DNAJB14: variants seen among roughly 807,000 people sequenced by gnomAD.
The protein encoded by DNAJB14 is DnaJ heat shock protein family (Hsp40) member B14, also known as dnaJ homolog subfamily B member 14.
In DNAJB14, 22 loss-of-function variants were observed where a neutral mutation model predicts 48.4. That is an observed-to-expected ratio of 0.45 (90% confidence interval 0.32 to 0.65). The LOEUF is 0.65. Ranked by LOEUF, DNAJB14 falls within the 30% of genes least tolerant of loss-of-function variation. The probability of loss-of-function intolerance (pLI) is 0.03; values close to 1 mark genes in which losing one functional copy is unlikely to be tolerated. For synonymous variants in DNAJB14, 142 were observed against 158.7 expected (o/e 0.89, Z 0.79); for missense variants, 319 against 458.8 (o/e 0.70, Z 2.78).
chr4:99,924,869 C>CAACTGT, intron 2 of DNAJB14: 4 of 1,343,672 alleles, frequency 3.0e-6, no homozygotes, highest in Non-Finnish European at 4.3e-6. Context: ...AAACTGAATT[C>CAACTGT]AACTGTAGAT....
intron 6 of DNAJB14, 50 bp from the exon 7 acceptor site, chr4:99,903,948 T>C (rs948257597): frequency 2.6e-6 from 4 of 1,554,262 alleles, no homozygotes; most frequent in African/African-American, 1.4e-5. Flanking sequence ...CATTCCAATA[T>C]GCTGCTATAA....
chr4:99,912,102 A>G (rs905880308), intron 3 of DNAJB14, among the ~76,000 whole-genome samples: 12 of 152,172 alleles, frequency 7.9e-5, no homozygotes, highest in African/African-American at 1.2e-4. Flanking sequence ...TGGGTGTCCA[A>G]TTGCCTCAAA....
At position 99,946,485 on chromosome 4, in the gene DNAJB14, G is replaced by A. The variant is rs985391749; in HGVS notation, c.87C>T (p.Arg29=). ...LNAGNREKAQ[R]FLQKAEKLYP... ...AGAGCTTCTCGGCCTTCTGCAGGAAGCGCTGGGCCTTCTCGCGGTTGCCGG... is the reference window on the plus strand; with the variant it reads ...AGAGCTTCTCGGCCTTCTGCAGGAAACGCTGGGCCTTCTCGCGGTTGCCGG... Residue 29 remains arginine, a synonymous_variant, in exon 1 of 8, where the codon CGC becomes CGT. Coordinates refer to ENST00000442697, the MANE Select transcript of DNAJB14 (RefSeq NM_001031723.4). 6.2e-7 allele frequency: 1 copy of A among 1,613,770 alleles called. No homozygotes were observed. The highest frequency in any genetic ancestry group is 8.5e-7 in the Non-Finnish European group (1 of 1,179,792).
intron 1 of DNAJB14, among the ~76,000 whole-genome samples, chr4:99,931,403 T>C: frequency 6.6e-6 from 1 of 152,094 alleles, no homozygotes; most frequent in Non-Finnish European, 1.5e-5. Context: ...GGTGAGTGAT[T>C]GGGAGTGATT....
chr4:99,940,506 G>A (rs528429223), intron 1 of DNAJB14, among the ~76,000 whole-genome samples: 2 of 152,260 alleles, frequency 1.3e-5, no homozygotes, highest in African/African-American at 2.4e-5. Context: ...CAAGATAATC[G>A]CTTGAACCCA....
chr4:99,912,585 T>C (rs1362078902), intron 3 of DNAJB14, among the ~76,000 whole-genome samples: 3 of 152,174 alleles, frequency 2.0e-5, no homozygotes, highest in Non-Finnish European at 2.9e-5. Flanking sequence ...GTTCAAGTGA[T>C]TCTCCTACCT....
At chr4:99,904,290 T>C (rs1317125090) in intron 6 of DNAJB14, among the ~76,000 whole-genome samples, 2 of 152,192 alleles carry the variant, frequency 1.3e-5, no homozygotes, top group Non-Finnish European at 2.9e-5. Flanking sequence ...TAAATACTTA[T>C]ATGTGAATTA....
intron 2 of DNAJB14, chr4:99,927,423 A>G (rs1369694569): frequency 6.6e-6 from 1 of 152,232 alleles, no homozygotes; most frequent in Non-Finnish European, 1.5e-5. Context: ...TTTCTTCTGA[A>G]AGAACGGAAG....
intron 1 of DNAJB14, among the ~76,000 whole-genome samples, chr4:99,933,467 A>ATT (rs113168450): frequency 2.0e-5 from 3 of 147,666 alleles, no homozygotes; most frequent in Non-Finnish European, 4.5e-5. Context: ...TAATTTTTTG[A>ATT]TTTTTTTTTT....
intron 2 of DNAJB14, chr4:99,928,442 T>C (rs1463123193): frequency 1.1e-5 from 3 of 268,970 alleles, no homozygotes; most frequent in African/African-American, 6.7e-5. Context: ...AGGTGTCTCC[T>C]TGCCTACAGC....
At chr4:99,912,366 C>A (rs1725693276) in intron 3 of DNAJB14, among the ~76,000 whole-genome samples, 1 of 152,086 alleles carries the variant, frequency 6.6e-6, no homozygotes, top group Non-Finnish European at 1.5e-5. Flanking sequence ...TATTCAGGTT[C>A]TTTCTTCCCC....
chr4:99,919,846 T>C (rs1249919034), intron 3 of DNAJB14, among the ~76,000 whole-genome samples: 1 of 152,246 alleles, frequency 6.6e-6, no homozygotes, highest in African/African-American at 2.4e-5. Context: ...CACCTCATTT[T>C]CGCTGCCAAG....
At chr4:99,908,567 T>C (rs1369720502) in intron 4 of DNAJB14, 144 bp downstream of exon 4, 4 of 566,232 alleles carry the variant, frequency 7.1e-6, no homozygotes, top group East Asian at 3.4e-5. Flanking sequence ...AATATTTTTC[T>C]CCTGCTTTCA....
chr4:99,940,973 G>A (rs904289063), intron 1 of DNAJB14, among the ~76,000 whole-genome samples: 1 of 151,000 alleles, frequency 6.6e-6, no homozygotes, highest in Admixed American at 6.6e-5. Flanking sequence ...GAACACTTGG[G>A]CTGATTATAG....
chr4:99,932,940 G>T (rs1036200587), intron 1 of DNAJB14, among the ~76,000 whole-genome samples: 2 of 152,172 alleles, frequency 1.3e-5, no homozygotes, highest in Admixed American at 6.6e-5. Flanking sequence ...AATCTACAGG[G>T]ACAGAAAGTA....
intron 3 of DNAJB14, among the ~76,000 whole-genome samples, chr4:99,917,764 T>C (rs28824275): frequency 0.11 from 16,717 of 152,240 alleles, 1,078 homozygotes; most frequent in East Asian, 0.24. Flanking sequence ...GGATTCTAGG[T>C]TGACAGTCGT....
intron 3 of DNAJB14, among the ~76,000 whole-genome samples, chr4:99,914,327 A>G (rs376251416): frequency 2.9e-4 from 44 of 152,306 alleles, no homozygotes; most frequent in African/African-American, 1.0e-3. Context: ...AAAAATGATG[A>G]GTTCATGTCC....
chr4:99,936,443 A>G (rs534209881), intron 1 of DNAJB14, among the ~76,000 whole-genome samples: 2 of 134,162 alleles, frequency 1.5e-5, no homozygotes, highest in African/African-American at 5.6e-5. Context: ...AAACACATAT[A>G]ACACACATAT....
intron 1 of DNAJB14, among the ~76,000 whole-genome samples, chr4:99,934,364 A>G (rs1006151570): frequency 6.6e-6 from 1 of 152,164 alleles, no homozygotes; most frequent in Admixed American, 6.5e-5. Context: ...TATGAATTAA[A>G]CCTCTGAAGA....
Sources: gnomAD v4.1 joint callset for allele counts (sites outside exome capture counted in the v4.1 genomes callset) on GRCh38, gnomAD v4.1.1 for gene constraint, MANE v1.5 for transcripts, NCBI Gene and HGNC (gene_info 2026-07-23, HGNC 2026-07-21) for gene names.